The following NPAS3 variants were observed in gnomAD, a reference collection of about 807,000 sequenced individuals.
NPAS3 encodes the protein neuronal PAS domain-containing protein 3.
NPAS3 carries 14 observed loss-of-function variants against 73.1 expected under a neutral mutation model. The ratio of observed to expected loss-of-function variants is 0.19; its 90% CI spans 0.13 to 0.30. The LOEUF is 0.30. NPAS3 is among the 10% of genes least tolerant of loss of function. The pLI, the probability that NPAS3 is intolerant of heterozygous loss-of-function variation, is 1.00. For missense variants in NPAS3, 1,096 were observed against 1,250.0 expected, an observed-to-expected ratio of 0.88 and a Z score of 1.86; for synonymous variants, 620 against 541.5, an observed-to-expected ratio of 1.14 and a Z score of -2.01.
intron 9 of NPAS3, among the ~76,000 whole-genome samples, chr14:33,792,581 C>CAA (rs199708187): frequency 0.013 from 1,647 of 126,136 alleles, 32 homozygotes; most frequent in African/African-American, 0.046. Context: ...CACCCCCCTC[C>CAA]AAAAAAAAAA....
chr14:33,187,332 A>C (rs2046013233), intron 2 of NPAS3, among the ~76,000 whole-genome samples: 1 of 152,166 alleles, frequency 6.6e-6, no homozygotes, highest in Non-Finnish European at 1.5e-5. Flanking sequence ...TTTCATGCAC[A>C]CTACCCTCAC....
chr14:33,095,020 C>T (rs2042357743), intron 2 of NPAS3, among the ~76,000 whole-genome samples: 2 of 152,094 alleles, frequency 1.3e-5, no homozygotes, highest in Admixed American at 1.3e-4. Flanking sequence ...TGTAGAATTA[C>T]CATTTTTATT....
At chr14:33,364,568 G>A (rs1479138492) in intron 3 of NPAS3, among the ~76,000 whole-genome samples, 1 of 152,110 alleles carries the variant, frequency 6.6e-6, no homozygotes. Flanking sequence ...GAATAGAATA[G>A]CATGAAACTA....
chr14:33,424,217 G>A (rs1291163812), intron 4 of NPAS3, among the ~76,000 whole-genome samples: 1 of 152,014 alleles, frequency 6.6e-6, no homozygotes, highest in Non-Finnish European at 1.5e-5. Context: ...AGGAGCCCAA[G>A]AAGGCTAGAG....
At chr14:33,313,080 T>C (rs1351076269) in intron 3 of NPAS3, among the ~76,000 whole-genome samples, 7 of 152,002 alleles carry the variant, frequency 4.6e-5, no homozygotes, top group African/African-American at 1.7e-4. Flanking sequence ...CAGGGGGTGT[T>C]TTTGGCAGTA....
chr14:33,709,009 G>C (rs2060740409), intron 6 of NPAS3, among the ~76,000 whole-genome samples: 1 of 152,202 alleles, frequency 6.6e-6, no homozygotes, highest in East Asian at 1.9e-4. Flanking sequence ...TTTACTGAGA[G>C]ATTGGATCTA....
chr14:33,682,388 T>C (rs2059964986), intron 6 of NPAS3, among the ~76,000 whole-genome samples: 1 of 152,226 alleles, frequency 6.6e-6, no homozygotes, highest in Admixed American at 6.5e-5. Flanking sequence ...AAAGAGATCA[T>C]CATTTAGGCA....
intron 2 of NPAS3, among the ~76,000 whole-genome samples, chr14:33,108,871 G>T (rs1303819550): frequency 6.6e-6 from 1 of 152,072 alleles, no homozygotes; most frequent in Non-Finnish European, 1.5e-5. Context: ...CATTGAAATG[G>T]TTTGACACAT....
At chr14:33,096,379 T>C in intron 2 of NPAS3, among the ~76,000 whole-genome samples, 1 of 152,142 alleles carries the variant, frequency 6.6e-6, no homozygotes, top group East Asian at 1.9e-4. Flanking sequence ...CCCTTTTTTG[T>C]TAAATGTTCA....
intron 9 of NPAS3, among the ~76,000 whole-genome samples, chr14:33,779,328 C>T (rs932970348): frequency 1.3e-5 from 2 of 152,170 alleles, no homozygotes; most frequent in African/African-American, 4.8e-5. Flanking sequence ...CCTGGCTGTT[C>T]GCACTGTCCA....
intron 3 of NPAS3, among the ~76,000 whole-genome samples, chr14:33,353,185 A>G (rs949081274): frequency 1.3e-5 from 2 of 151,702 alleles, no homozygotes; most frequent in African/African-American, 4.8e-5. Context: ...TTGGGAAACA[A>G]GGTCTTTTTG....
intron 5 of NPAS3, among the ~76,000 whole-genome samples, chr14:33,649,702 A>G (rs935467178): frequency 6.6e-6 from 1 of 152,206 alleles, no homozygotes; most frequent in Non-Finnish European, 1.5e-5. Context: ...AGAAAGGCCA[A>G]AAAGGAGAAT....
chr14:33,564,192 T>A (rs1189364958), intron 5 of NPAS3, among the ~76,000 whole-genome samples: 1 of 152,168 alleles, frequency 6.6e-6, no homozygotes, highest in East Asian at 1.9e-4. Context: ...GACCATTTAT[T>A]ATAAATGGTC....
intron 5 of NPAS3, among the ~76,000 whole-genome samples, chr14:33,623,209 A>T (rs984697581): frequency 1.3e-5 from 2 of 152,178 alleles, no homozygotes; most frequent in Non-Finnish European, 2.9e-5. Flanking sequence ...ATATTTTGCT[A>T]AAAATACTGG....
At chr14:33,601,436 T>C (rs1160291345) in intron 5 of NPAS3, among the ~76,000 whole-genome samples, 3 of 152,212 alleles carry the variant, frequency 2.0e-5, no homozygotes, top group Non-Finnish European at 4.4e-5. Flanking sequence ...TGTCATGTAT[T>C]TTTGGCAAAC....
At chr14:32,986,870 C>T (rs1246307586) in intron 1 of NPAS3, among the ~76,000 whole-genome samples, 2 of 152,226 alleles carry the variant, frequency 1.3e-5, no homozygotes, top group Admixed American at 1.3e-4. Flanking sequence ...ATGTTTTTCA[C>T]CTAGGCCAAA....
At chr14:33,511,622 A>G (rs1295123331) in intron 4 of NPAS3, among the ~76,000 whole-genome samples, 1 of 152,112 alleles carries the variant, frequency 6.6e-6, no homozygotes, top group Non-Finnish European at 1.5e-5. Flanking sequence ...AGAATGTGAT[A>G]GATAAAGACT....
intron 3 of NPAS3, among the ~76,000 whole-genome samples, chr14:33,282,607 A>G (rs1254772269): frequency 6.6e-6 from 1 of 152,238 alleles, no homozygotes; most frequent in Non-Finnish European, 1.5e-5. Flanking sequence ...GGCTGCTTCC[A>G]GTGAACTTGG....
chr14:33,692,600 T>C (rs1016032973), intron 6 of NPAS3, among the ~76,000 whole-genome samples: 15 of 152,052 alleles, frequency 9.9e-5, no homozygotes, highest in African/African-American at 3.6e-4. Flanking sequence ...CACAAAAGCT[T>C]ACAGAAAAGA....
Sources: allele counts gnomAD v4.1 joint callset (sites outside exome capture counted in the v4.1 genomes callset), GRCh38; gene constraint gnomAD v4.1.1; transcripts MANE v1.5; gene names NCBI Gene and HGNC (gene_info 2026-07-23, HGNC 2026-07-21).